CNTNAP5: variants seen among roughly 807,000 people sequenced by gnomAD.
CNTNAP5 encodes the protein contactin associated protein family member 5.
A neutral mutation model predicts 150.2 loss-of-function variants in CNTNAP5; 72 were observed. The observed-to-expected ratio is 0.48, with a 90% CI of 0.40 to 0.58. The LOEUF is 0.58. Ranked by LOEUF, CNTNAP5 falls within the 20% of genes least tolerant of loss-of-function variation. The pLI is 0.00. For synonymous variants in CNTNAP5, 672 were observed against 619.8 expected, an observed-to-expected ratio of 1.08 and a Z score of -1.25; for missense variants, 1,636 against 1,626.2, an observed-to-expected ratio of 1.01 and a Z score of -0.10.
intron 22 of CNTNAP5, among the ~76,000 whole-genome samples, chr2:124,906,383 C>G (rs907259791): frequency 6.6e-6 from 1 of 151,972 alleles, no homozygotes; most frequent in Non-Finnish European, 1.5e-5. Context: ...GATAAAGCTC[C>G]CATTTTACTA....
chr2:124,486,240 G>A (rs1321374680), intron 7 of CNTNAP5, among the ~76,000 whole-genome samples: 1 of 152,110 alleles, frequency 6.6e-6, no homozygotes, highest in Non-Finnish European at 1.5e-5. Context: ...CTTATAAGTG[G>A]GAGCTAAGCT....
intron 3 of CNTNAP5, among the ~76,000 whole-genome samples, chr2:124,312,674 C>T (rs1222391888): frequency 2.6e-5 from 4 of 152,142 alleles, no homozygotes; most frequent in Non-Finnish European, 5.9e-5. Flanking sequence ...GGGTTCGCAC[C>T]ATTCTCCTGC....
chr2:124,380,337 G>C (rs975903474), intron 3 of CNTNAP5, among the ~76,000 whole-genome samples: 1 of 152,114 alleles, frequency 6.6e-6, no homozygotes. Flanking sequence ...TTCAAAGACA[G>C]GTTCCTCTTC....
chr2:124,216,421 G>C (rs1017613627), intron 1 of CNTNAP5, among the ~76,000 whole-genome samples: 7 of 151,630 alleles, frequency 4.6e-5, no homozygotes, highest in African/African-American at 1.7e-4. Context: ...TAAGTTTCAG[G>C]GTACATGTGC....
chr2:124,311,142 A>C (rs1442935556), intron 3 of CNTNAP5, among the ~76,000 whole-genome samples: 6 of 151,986 alleles, frequency 3.9e-5, no homozygotes, highest in African/African-American at 1.4e-4. Flanking sequence ...TTTTTCTTAG[A>C]TTGTATCTTT....
intron 3 of CNTNAP5, among the ~76,000 whole-genome samples, chr2:124,408,199 G>C (rs1347098569): frequency 6.6e-6 from 1 of 152,216 alleles, no homozygotes; most frequent in Non-Finnish European, 1.5e-5. Flanking sequence ...GGCACACCAC[G>C]AGATTATATC....
intron 8 of CNTNAP5, among the ~76,000 whole-genome samples, chr2:124,511,052 A>T (rs533096419): frequency 4.6e-5 from 7 of 152,280 alleles, no homozygotes; most frequent in African/African-American, 1.7e-4. Context: ...AGCAATAGAT[A>T]TCATGTTCTA....
intron 1 of CNTNAP5, among the ~76,000 whole-genome samples, chr2:124,113,506 A>ATGTGTGTGTGTG (rs138877401): frequency 1.3e-3 from 186 of 142,882 alleles, no homozygotes; most frequent in African/African-American, 4.6e-3. Context: ...ATACATATAT[A>ATGTGTGTGTGTG]TGTGTGTGTG....
In CNTNAP5 at chr2:124,029,704, C is replaced by T. The variant is rs139804244; in HGVS notation, c.82+3972C>T. Among the ~76,000 whole-genome samples, 595 of 151,990 alleles carry T rather than the reference C, an allele frequency of 3.9e-3. 4 individuals are homozygous for T. The highest frequency in any genetic ancestry group is 0.014 in the African/African-American group (571 of 41,474). On this transcript the variant is annotated intron_variant, in intron 1 of 23. Coordinates refer to ENST00000682447, the MANE Select transcript of CNTNAP5 (RefSeq NM_001367498.1). The stretch of plus-strand genomic sequence containing the variant: ...TTTCATTGCTTTCTTTACTGGATCT[C>T]GGTTTCCCTTTACTGAATCACTTTA...
chr2:124,469,328 G>GT (rs1306050206), intron 6 of CNTNAP5, among the ~76,000 whole-genome samples: 4 of 152,002 alleles, frequency 2.6e-5, no homozygotes, highest in South Asian at 2.1e-4. Context: ...TTTTCATTCT[G>GT]TTTTTTTACT....
At chr2:124,895,440 C>A (rs1678283286) in intron 21 of CNTNAP5, among the ~76,000 whole-genome samples, 1 of 151,452 alleles carries the variant, frequency 6.6e-6, no homozygotes, top group Non-Finnish European at 1.5e-5. Context: ...AACTTGGCAA[C>A]ATAGTGAGAC....
chr2:124,522,446 C>T, intron 8 of CNTNAP5, among the ~76,000 whole-genome samples: 1 of 152,192 alleles, frequency 6.6e-6, no homozygotes, highest in East Asian at 1.9e-4. Context: ...CAGCTGCTAT[C>T]ATTGGCTCTT....
intron 13 of CNTNAP5, among the ~76,000 whole-genome samples, chr2:124,732,461 T>C (rs1680292261): frequency 6.6e-6 from 1 of 152,070 alleles, no homozygotes; most frequent in Non-Finnish European, 1.5e-5. Flanking sequence ...CGCATAGGAT[T>C]AATGCCCTTA....
chr2:124,588,208 CTTTCTT>C (rs1364221726), intron 11 of CNTNAP5, among the ~76,000 whole-genome samples: 2 of 131,044 alleles, frequency 1.5e-5, no homozygotes, highest in Non-Finnish European at 1.6e-5. Context: ...TTCTTTCTTT[CTTTCTT>C]TCTTTCTTTC....
chr2:124,683,467 A>G (rs1279129431), intron 13 of CNTNAP5, among the ~76,000 whole-genome samples: 2 of 151,918 alleles, frequency 1.3e-5, no homozygotes, highest in Admixed American at 1.3e-4. Context: ...TATTTATGAG[A>G]TTTTATGGCA....
intron 8 of CNTNAP5, among the ~76,000 whole-genome samples, chr2:124,507,810 T>C (rs1026156949): frequency 6.6e-6 from 1 of 152,166 alleles, no homozygotes; most frequent in African/African-American, 2.4e-5. Context: ...AAGAAGTACA[T>C]TTTGAGGTGA....
At chr2:124,664,393 C>G (rs1326819615) in intron 13 of CNTNAP5, among the ~76,000 whole-genome samples, 1 of 146,522 alleles carries the variant, frequency 6.8e-6, no homozygotes, top group African/African-American at 2.5e-5. Flanking sequence ...TAAAAACAAA[C>G]AAAACCCAGA....
intron 1 of CNTNAP5, among the ~76,000 whole-genome samples, chr2:124,134,839 C>T (rs1683937116): frequency 6.6e-6 from 1 of 152,174 alleles, no homozygotes; most frequent in South Asian, 2.1e-4. Flanking sequence ...AGAATGATTG[C>T]TGAGGTTTAT....
chr2:124,505,550 G>A lies in CNTNAP5; in HGVS notation c.1327+994G>A, dbSNP rs1354303295. Among the ~76,000 whole-genome samples, 3 of 152,058 alleles carry A rather than the reference G, an allele frequency of 2.0e-5. No individual in the cohort carries two copies. The East Asian group carries it at 5.8e-4, about 29-fold the overall frequency. On this transcript the variant is annotated intron_variant, in intron 8 of 23. Coordinates refer to ENST00000682447, the MANE Select transcript of CNTNAP5 (RefSeq NM_001367498.1). ...GAAAACTTTTAAATGGTCCTCAAAT[G>A]GCCAAAATTTGGGAAACACTGATTC...
Sources: allele counts gnomAD v4.1 joint callset (sites outside exome capture counted in the v4.1 genomes callset), GRCh38; gene constraint gnomAD v4.1.1; transcripts MANE v1.5; gene names NCBI Gene and HGNC (gene_info 2026-07-23, HGNC 2026-07-21).